FAT2: variants seen among roughly 807,000 people sequenced by gnomAD.
FAT2 encodes the protein protocadherin Fat 2.
FAT2 carries 150 observed loss-of-function variants against 295.3 expected under a neutral mutation model. The ratio of observed to expected loss-of-function variants is 0.51; its 90% CI spans 0.44 to 0.58. The LOEUF (loss-of-function observed/expected upper bound fraction) is 0.58, where lower values mean the gene tolerates loss of function less well. Ranked by LOEUF, FAT2 falls within the 20% of genes least tolerant of loss-of-function variation. The pLI is 0.00. For synonymous variants in FAT2, 2,026 were observed against 2,150.3 expected (o/e 0.94, Z 1.60); for missense variants, 4,868 against 5,442.7 (o/e 0.89, Z 3.32).
In FAT2 at chr5:151,516,871, C is replaced by T. The variant is rs541832088; in HGVS notation, c.11463+749G>A. Reference sequence around the variant, plus strand: ...CTGTAATCCTAGCACTTTGGGATGCCGAGGCAGGCGGATCACCTGAGGTCA... The same window carrying T: ...CTGTAATCCTAGCACTTTGGGATGCTGAGGCAGGCGGATCACCTGAGGTCA... On this transcript the variant is annotated intron_variant, in intron 20 of 23. Coordinates refer to ENST00000261800, the MANE Select transcript of FAT2 (RefSeq NM_001447.3). 1.5e-4 allele frequency among the ~76,000 whole-genome samples: 23 copies of T among 152,090 alleles called. No individual in the cohort carries two copies. The South Asian group carries it at 1.7e-3, about 11-fold the overall frequency.
Position 151,527,994 on chromosome 5 carries a change from A to G in FAT2, c.10164+2T>C, listed in dbSNP as rs1381952635. ...AGGGTGCGCCCCTCCCACATGACTCACCTGTTCCCGGTCCAGGGCCTTGGC... is the reference window on the plus strand; with the variant it reads ...AGGGTGCGCCCCTCCCACATGACTCGCCTGTTCCCGGTCCAGGGCCTTGGC... On this transcript the variant is annotated splice_donor_variant, in intron 16 of 23. Coordinates refer to ENST00000261800, the MANE Select transcript of FAT2 (RefSeq NM_001447.3). LOFTEE classifies it high-confidence loss of function. 1.9e-6 allele frequency: 3 copies of G among 1,613,730 alleles called. No individual in the cohort carries two copies. The South Asian group carries it at 3.3e-5, about 18-fold the overall frequency.
intron 1 of FAT2, among the ~76,000 whole-genome samples, chr5:151,570,953 G>T (rs1225115545): frequency 6.6e-6 from 1 of 152,090 alleles, no homozygotes; most frequent in Non-Finnish European, 1.5e-5. Context: ...GCCTGTGACA[G>T]AAAATAATTT....
At position 151,563,736 on chromosome 5, in the gene FAT2, AG is replaced by A. The variant is rs1193997885; in HGVS notation, c.3260-98del. On this transcript the variant is annotated intron_variant, in intron 2 of 23. Transcript: ENST00000261800. ...CCATTCCCCAAACCGCACTGTGGAAAGGGTATTAATAAGTAGATTTTCTATG... is the reference window on the plus strand; with the variant it reads ...CCATTCCCCAAACCGCACTGTGGAAAGGTATTAATAAGTAGATTTTCTATG... 7.5e-6 allele frequency: 7 copies of A among 933,360 alleles called. No individual in the cohort carries two copies. The East Asian group carries it at 1.8e-4, about 24-fold the overall frequency. 57.8% of individuals were successfully genotyped at this position (933,360 alleles called of 1,614,324 possible).
chr5:151,517,565 T>A, intron 20 of FAT2, 55 bp downstream of exon 20: 1 of 1,607,040 alleles, frequency 6.2e-7, no homozygotes, highest in South Asian at 1.1e-5. Context: ...CCTCACCCCC[T>A]ACCTCCCCAG....
intron 15 of FAT2, 80 bp from the exon 16 acceptor site, chr5:151,528,213 C>T (rs539312195): frequency 6.5e-7 from 1 of 1,540,084 alleles, no homozygotes; most frequent in African/African-American, 1.4e-5. Flanking sequence ...AGATATGTCC[C>T]TGCCCCAGTG....
chr5:151,563,497 TG>T lies in FAT2; in HGVS notation c.3401del (p.Pro1134HisfsTer39). ...YIEVTDANDNPPQMSQAVFYP... is the reference protein window; with the variant it reads ...YIEVTDANDNXPQMSQAVFYP... Reference sequence around the variant, plus strand: ...AGAACACAGCTTGGGACATCTGGGGTGGGTTGTCATTGGCATCCGTAACCTC... The same window carrying T: ...AGAACACAGCTTGGGACATCTGGGGTGGTTGTCATTGGCATCCGTAACCTC... On this transcript the variant is annotated frameshift_variant, in exon 3 of 24. Transcript: ENST00000261800. LOFTEE classifies it high-confidence loss of function. The T allele has an allele frequency of 6.2e-7, 1 of 1,613,962 alleles. No homozygotes were observed. Among genetic ancestry groups the T allele is most frequent in the Non-Finnish European group, 8.5e-7 (1 of 1,180,006 alleles).
rs992291812 is a variant in FAT2 at position 151,566,973 on chromosome 5, A to G, written c.1959T>C (p.Thr653=). The change falls in exon 2 of 24, where the codon ACT becomes ACC. Residue 653 remains threonine (T), a synonymous_variant. Coordinates refer to ENST00000261800, the MANE Select transcript of FAT2 (RefSeq NM_001447.3). The part of the protein sequence containing the change: ...SDGKNYASPT[T]LNITVVKDPH... ...GGTCCTTCACCACAGTAATATTCAAAGTTGTGGGTGAGGCATAGTTTTTGC... is the reference window on the plus strand; with the variant it reads ...GGTCCTTCACCACAGTAATATTCAAGGTTGTGGGTGAGGCATAGTTTTTGC... 6.2e-7 allele frequency: 1 copy of G among 1,613,992 alleles called. No individual in the cohort carries two copies. The highest frequency in any genetic ancestry group is 1.3e-5 in the African/African-American group (1 of 74,920).
Position 151,505,828 on chromosome 5 carries a change from G to C in FAT2, c.12787C>G (p.Leu4263Val), listed in dbSNP as rs765639933. Residue 4263 changes from leucine (L) to valine (V), a missense_variant, in exon 24 of 24, where the codon CTG becomes GTG. By Grantham distance (32) the Leu-to-Val change is conservative. Coordinates refer to ENST00000261800, the MANE Select transcript of FAT2 (RefSeq NM_001447.3). ...PSRPPSPRER[L>V]VAPCLNEYTA... Reference sequence around the variant, plus strand: ...TACTCATTGAGACAGGGGGCAACCAGGCGCTCCCGGGGACTAGGGGGCCGA... The same window carrying C: ...TACTCATTGAGACAGGGGGCAACCACGCGCTCCCGGGGACTAGGGGGCCGA... 6.2e-7 allele frequency: 1 copy of C among 1,613,324 alleles called. No individual in the cohort carries two copies. The highest frequency in any genetic ancestry group is 8.5e-7 in the Non-Finnish European group (1 of 1,179,732).
intron 20 of FAT2, among the ~76,000 whole-genome samples, chr5:151,513,615 T>G (rs12653048): frequency 0.72 from 109,606 of 151,730 alleles, 39,971 homozygotes; most frequent in East Asian, 0.96. Flanking sequence ...TGGGAGAAGG[T>G]TAAGGACAAA....
chr5:151,532,044 C>T, intron 13 of FAT2, 74 bp from the exon 14 acceptor site: 1 of 1,559,892 alleles, frequency 6.4e-7, no homozygotes, highest in Non-Finnish European at 8.7e-7. Context: ...AACCCTGCAG[C>T]CACAGGAGGG....
In FAT2 at chr5:151,535,546, G is replaced by A. The variant is rs780696374; in HGVS notation, c.9194-904C>T. On this transcript the variant is annotated intron_variant, in intron 12 of 23. Transcript: ENST00000261800. ...ATGGGAGCCCCTTTCCTCATGCCTC[G>A]CCCTACACCTCTCTTCACCTGTATC... 9.9e-5 allele frequency among the ~76,000 whole-genome samples: 15 copies of A among 152,128 alleles called. 1 individual carries two copies. The highest frequency in any genetic ancestry group is 5.8e-4 in the East Asian group (3 of 5,170).
At chr5:151,570,328 C>T (rs1209371883) in intron 1 of FAT2, among the ~76,000 whole-genome samples, 2 of 152,170 alleles carry the variant, frequency 1.3e-5, no homozygotes, top group Non-Finnish European at 2.9e-5. Context: ...TTGAAATGGA[C>T]ATTAGAGATG....
rs1365596517 is a variant in FAT2 at position 151,565,748 on chromosome 5, CA to C, written c.3183del (p.Ser1061ArgfsTer28). On this transcript the variant is annotated frameshift_variant, in exon 2 of 24. Transcript: ENST00000261800. LOFTEE classifies it high-confidence loss of function. ...AAGTACTGGAGCTCCCCATCCAAGC[CA>C]CTGTCATCGTCCTGGGCAGCCACTA... ...VIVVAAQDDD[S>X]GLDGELQYFL... The C allele has an allele frequency of 6.2e-7, 1 of 1,613,916 alleles. No homozygotes were observed. Among genetic ancestry groups the C allele is most frequent in the African/African-American group, 1.3e-5 (1 of 74,884 alleles).
At position 151,543,404 on chromosome 5, in the gene FAT2, G is replaced by A; in HGVS notation, c.7723C>T (p.Leu2575Phe). The change falls in exon 10 of 24, where the codon CTC becomes TTC. Residue 2575 changes from leucine to phenylalanine, a missense_variant. Leu to Phe is a conservative substitution (Grantham distance 22). Around this residue, in one of 5 missense-constraint regions of FAT2, gnomAD observed 3,297 missense variants for 3,669.4 expected, o/e 0.90. Coordinates refer to ENST00000261800, the MANE Select transcript of FAT2 (RefSeq NM_001447.3). ...RVAFCTVKIILTDENDNPPQF... is the reference protein window; with the variant it reads ...RVAFCTVKIIFTDENDNPPQF... ...GGGGGGTTGTCATTTTCATCTGTGA[G>A]GATGATCTTCACCGTGCAGAAGGCT... The A allele has an allele frequency of 6.2e-7, 1 of 1,613,992 alleles. No homozygotes were observed. Among genetic ancestry groups the A allele is most frequent in the Non-Finnish European group, 8.5e-7 (1 of 1,179,994 alleles).
At chr5:151,511,540 C>T (rs1270904825) in intron 21 of FAT2, 1 of 152,836 alleles carries the variant, frequency 6.5e-6, no homozygotes, top group African/African-American at 2.4e-5. Context: ...GAGAATGCTC[C>T]CTGCAGCATT....
At chr5:151,559,620 T>A (rs1229114606) in intron 3 of FAT2, among the ~76,000 whole-genome samples, 1 of 151,904 alleles carries the variant, frequency 6.6e-6, no homozygotes, top group Admixed American at 6.5e-5. Context: ...CTTCTCCCCC[T>A]GTGCCTCTGA....
chr5:151,523,631 A>G (rs6878659), intron 18 of FAT2, among the ~76,000 whole-genome samples: 120,541 of 152,156 alleles, frequency 0.79, 48,292 homozygotes, highest in East Asian at 0.96. Context: ...TCTAGGCAGG[A>G]CGTGTGCCTG....
intron 22 of FAT2, among the ~76,000 whole-genome samples, chr5:151,509,046 GAC>G (rs1381026612): frequency 4.6e-5 from 7 of 152,140 alleles, no homozygotes; most frequent in African/African-American, 1.7e-4. Flanking sequence ...TTCTAGGAAT[GAC>G]AGTTTCCCTT....
At position 151,512,842 on chromosome 5, in the gene FAT2, T is replaced by G. The variant is rs769051538; in HGVS notation, c.11464-236A>C. On this transcript the variant is annotated intron_variant, in intron 20 of 23. Transcript: ENST00000261800. This position sits in a 1 kb window ranked among gnomAD's most constrained non-coding sequence, Gnocchi z 4.1. ...GTCTGGGTAGGGGGTGACATCTCCA[T>G]TCACAGATGAGGAAACTGAGGCCGA... The G allele has an allele frequency of 4.4e-5, 24 of 547,942 alleles. No homozygotes were observed. The highest frequency in any genetic ancestry group is 7.2e-5 in the Non-Finnish European group (22 of 306,686). 33.9% of individuals were successfully genotyped at this position (547,942 alleles called of 1,614,324 possible). A position where few individuals can be genotyped will look rare whatever the true frequency, so the allele number is the denominator to read the frequency against.
Sources: allele counts gnomAD v4.1 joint callset (sites outside exome capture counted in the v4.1 genomes callset), GRCh38; gene constraint gnomAD v4.1.1; regional missense constraint gnomAD v4.1.1; non-coding constraint Gnocchi (gnomAD v3.1); transcripts MANE v1.5; gene names NCBI Gene and HGNC (gene_info 2026-07-23, HGNC 2026-07-21).